MAPT: variants seen among roughly 807,000 people sequenced by gnomAD.
The protein encoded by MAPT is microtubule associated protein tau.
In MAPT, 34 loss-of-function variants were observed where a neutral mutation model predicts 67.9. The observed-to-expected ratio is 0.50, with a 90% CI of 0.38 to 0.67. The LOEUF (loss-of-function observed/expected upper bound fraction) is 0.67. MAPT is among the 30% of genes least tolerant of loss of function. The probability of loss-of-function intolerance (pLI) is 0.00; values close to 1 mark genes in which losing one functional copy is unlikely to be tolerated. For missense variants in MAPT, 881 were observed against 1,115.2 expected (o/e 0.79, Z 2.99); for synonymous variants, 456 against 464.5 (o/e 0.98, Z 0.23).
rs140164734 is a variant in MAPT, at chr17:46,013,669, G to A, written c.2092-574G>A. 4.6e-5 allele frequency among the ~76,000 whole-genome samples: 7 copies of A among 152,294 alleles called. No homozygotes were observed. In the East Asian group the frequency reaches 1.4e-3, roughly 29 times the overall value. ...CTCCGCTGGGTCCTGCTTACTGATG[G>A]TCTTTGCTCTAGTGCTTTCCAGGGT... On this transcript the variant is annotated intron_variant, in intron 10 of 12. Coordinates refer to ENST00000262410, the MANE Select transcript of MAPT (RefSeq NM_001377265.1).
At chr17:45,951,616 G>A (rs530045390) in intron 1 of MAPT, among the ~76,000 whole-genome samples, 2 of 152,008 alleles carry the variant, frequency 1.3e-5, no homozygotes, top group South Asian at 2.1e-4. Flanking sequence ...GTCTCCCTAC[G>A]AGGCATGAAT....
chr17:45,927,009 A>G (rs1014908351), intron 1 of MAPT, among the ~76,000 whole-genome samples: 1 of 151,658 alleles, frequency 6.6e-6, no homozygotes, highest in Admixed American at 6.6e-5. Context: ...ACATATATAT[A>G]CACACACACA....
rs768486756 is a variant in MAPT, at chr17:45,996,369, C to A, written c.1733-30C>A. ...CTTTTCTGACCCCACCCACTCGAGT[C>A]CTGGCTTCACTCCCTTCCTTCCTTC... On this transcript the variant is annotated intron_variant, in intron 8 of 12. Transcript: ENST00000262410. The surrounding 1 kb of genome is among the most constrained non-coding windows in gnomAD (Gnocchi z 4.5). 7 of 1,607,734 alleles carry A rather than the reference C, an allele frequency of 4.4e-6. No individual in the cohort carries two copies. Among genetic ancestry groups the A allele is most frequent in the Non-Finnish European group, 5.1e-6 (6 of 1,179,874 alleles).
At chr17:45,991,977 G>C (rs1041757464) in intron 8 of MAPT, among the ~76,000 whole-genome samples, 14 of 151,842 alleles carry the variant, frequency 9.2e-5, no homozygotes, top group Non-Finnish European at 1.2e-4. Context: ...GTAGAGACAG[G>C]GTTTCACCAT....
At chr17:45,984,032 T>C in intron 5 of MAPT, 102 bp downstream of exon 5, 3 of 1,006,182 alleles carry the variant, frequency 3.0e-6, no homozygotes, top group Non-Finnish European at 4.4e-6. Flanking sequence ...CTCCTGCTGC[T>C]TCTGACGTTC....
At chr17:45,969,770 T>C (rs1365826998) in intron 2 of MAPT, among the ~76,000 whole-genome samples, 1 of 151,918 alleles carries the variant, frequency 6.6e-6, no homozygotes, top group Non-Finnish European at 1.5e-5. Context: ...CATCTATCCA[T>C]TTATCCATCC....
chr17:45,984,447 G>A (rs554976477), intron 5 of MAPT, among the ~76,000 whole-genome samples: 28 of 152,340 alleles, frequency 1.8e-4, no homozygotes, highest in African/African-American at 6.7e-4. Flanking sequence ...TGAAAGACAC[G>A]CCTGTCCTGC....
At chr17:45,936,024 G>A (rs2067289910) in intron 1 of MAPT, among the ~76,000 whole-genome samples, 1 of 152,150 alleles carries the variant, frequency 6.6e-6, no homozygotes, top group South Asian at 2.1e-4. Context: ...ACCCCCAGAG[G>A]GCAGAGAGCA....
intron 3 of MAPT, 164 bp from the exon 4 acceptor site, chr17:45,978,211 A>G: frequency 1.4e-6 from 1 of 692,130 alleles, no homozygotes; most frequent in Non-Finnish European, 2.6e-6. Context: ...CATCCTCAGC[A>G]ATGACATTTG....
At chr17:45,956,308 G>A (rs186453928) in intron 1 of MAPT, among the ~76,000 whole-genome samples, 3 of 152,216 alleles carry the variant, frequency 2.0e-5, no homozygotes, top group South Asian at 2.1e-4. Context: ...AGGGCACCGC[G>A]GGGGGCTTTG....
chr17:45,958,026 G>A (rs2145229350), intron 1 of MAPT, among the ~76,000 whole-genome samples: 1 of 152,306 alleles, frequency 6.6e-6, no homozygotes, highest in Non-Finnish European at 1.5e-5. Flanking sequence ...AGTGCATGGT[G>A]CATTCACCTG....
intron 2 of MAPT, 106 bp downstream of exon 2, chr17:45,962,576 T>C (rs538353981): frequency 5.0e-6 from 7 of 1,404,982 alleles, no homozygotes; most frequent in Non-Finnish European, 6.9e-6. Flanking sequence ...CATTATTGTC[T>C]TAGACTGTCA....
In MAPT at chr17:46,024,412, TA is replaced by T. The variant is rs1555726075; in HGVS notation, c.*250del. 13 of 569,338 alleles carry T rather than the reference TA, an allele frequency of 2.3e-5. No individual in the cohort carries two copies. Among genetic ancestry groups the T allele is most frequent in the Admixed American group, 6.1e-5 (2 of 32,882 alleles). The allele number at this position is 569,338 out of a possible 1,614,324, so 35.3% of individuals were successfully genotyped here. On this transcript the variant is annotated 3_prime_UTR_variant, in exon 13 of 13. Coordinates refer to ENST00000262410, the MANE Select transcript of MAPT (RefSeq NM_001377265.1). The stretch of plus-strand genomic sequence containing the variant: ...ATGGGTGGGCTAGTAATAAAATATT[TA>T]AAAAAAAACATTCAAAAACATGGCC...
chr17:45,990,087 A>C lies in MAPT; in HGVS notation c.1605+12A>C. 1 of 1,613,292 alleles carries C rather than the reference A, an allele frequency of 6.2e-7. No individual in the cohort carries two copies. The highest frequency in any genetic ancestry group is 8.5e-7 in the Non-Finnish European group (1 of 1,179,226). ...AGATGAAACTCAAGGTAAGGAAACCACCTTTGAAAAGAACCAGGCTGCTCT... is the reference window on the plus strand; with the variant it reads ...AGATGAAACTCAAGGTAAGGAAACCCCCTTTGAAAAGAACCAGGCTGCTCT... On this transcript the variant is annotated intron_variant, in intron 7 of 12. Coordinates refer to ENST00000262410, the MANE Select transcript of MAPT (RefSeq NM_001377265.1).
intron 1 of MAPT, among the ~76,000 whole-genome samples, chr17:45,925,848 T>C (rs1235499614): frequency 6.6e-6 from 1 of 152,260 alleles, no homozygotes; most frequent in Non-Finnish European, 1.5e-5. Flanking sequence ...CATATTTTCC[T>C]GTATTTGATA....
At position 45,991,594 on chromosome 17, in the gene MAPT, G is replaced by A. The variant is rs754318391; in HGVS notation, c.1732+8G>A. On this transcript the variant is annotated splice_region_variant and intron_variant, in intron 8 of 12. Coordinates refer to ENST00000262410, the MANE Select transcript of MAPT (RefSeq NM_001377265.1). ...AGACACCACCCAGCTCTGGTAAGAA[G>A]AACGTTCTCTTGAATCTTAGAGGAA... The A allele has an allele frequency of 1.2e-6, 2 of 1,614,084 alleles. No individual in the cohort carries two copies. Among genetic ancestry groups the A allele is most frequent in the Non-Finnish European group, 1.7e-6 (2 of 1,179,948 alleles).
In MAPT at chr17:45,971,733, G is replaced by A; in HGVS notation, c.134-126G>A. Reference sequence around the variant, plus strand: ...CTTTGTGGGTTTGTTGCGAGGCCGTGTTCCAGCTGTTTCCACAGGGAGCGA... The same window carrying A: ...CTTTGTGGGTTTGTTGCGAGGCCGTATTCCAGCTGTTTCCACAGGGAGCGA... On this transcript the variant is annotated intron_variant, in intron 2 of 12. Transcript: ENST00000262410. The surrounding 1 kb of genome is among the most constrained non-coding windows in gnomAD (Gnocchi z 4.3). The A allele has an allele frequency of 1.3e-6, 1 of 747,096 alleles. No individual in the cohort carries two copies. Among genetic ancestry groups the A allele is most frequent in the East Asian group, 2.6e-5 (1 of 37,736 alleles). 46.3% of individuals were successfully genotyped at this position (747,096 alleles called of 1,614,324 possible). A position where few individuals can be genotyped will look rare whatever the true frequency, so the allele number is the denominator to read the frequency against.
In MAPT at chr17:46,023,954, A is replaced by G; in HGVS notation, c.2287-2A>G. On this transcript the variant is annotated splice_acceptor_variant, in intron 12 of 12. Coordinates refer to ENST00000262410, the MANE Select transcript of MAPT (RefSeq NM_001377265.1). LOFTEE classifies it high-confidence loss of function. ...ACCCTCCCTCCCTTCCTCTTCTTGC[A>G]GATTGAAACCCACAAGCTGACCTTC... 1 of 1,613,494 alleles carries G rather than the reference A, an allele frequency of 6.2e-7. No homozygotes were observed. The highest frequency in any genetic ancestry group is 8.5e-7 in the Non-Finnish European group (1 of 1,179,674).
rs562921434 is a variant in MAPT, at chr17:45,910,400, G to A, written c.-18+15714G>A. ...GGAGTCCCGTGGCTAATTTGAGGCC[G>A]GTAGGGGATTCGAACCCAGGATTTG... On this transcript the variant is annotated intron_variant, in intron 1 of 12. Coordinates refer to ENST00000262410, the MANE Select transcript of MAPT (RefSeq NM_001377265.1). Among the ~76,000 whole-genome samples the A allele has an allele frequency of 2.4e-4, 36 of 152,180 alleles. 1 individual carries two copies. The highest frequency in any genetic ancestry group is 1.7e-3 in the South Asian group (8 of 4,826).
Sources: gnomAD v4.1 joint callset for allele counts (sites outside exome capture counted in the v4.1 genomes callset) on GRCh38, gnomAD v4.1.1 for gene constraint, Gnocchi (gnomAD v3.1) non-coding constraint, MANE v1.5 for transcripts, NCBI Gene and HGNC (gene_info 2026-07-23, HGNC 2026-07-21) for gene names.